Variants in FERMT2 observed in about 807,000 individuals in gnomAD.
FERMT2 encodes fermitin family homolog 2.
In FERMT2, 15 loss-of-function variants were observed where a neutral mutation model predicts 82.7. The observed-to-expected ratio is 0.18, with a 90% CI of 0.12 to 0.28. The LOEUF (loss-of-function observed/expected upper bound fraction) is 0.28. Among genes scored for constraint, FERMT2 ranks in the 10% least tolerant of loss-of-function variants. The pLI, the probability that FERMT2 is intolerant of heterozygous loss-of-function variation, is 1.00. For missense variants in FERMT2, 645 were observed against 809.4 expected (o/e 0.80, Z 2.46); for synonymous variants, 274 against 271.5 (o/e 1.01, Z -0.09).
At chr14:52,900,159 G>C (rs376742196) in intron 3 of FERMT2, among the ~76,000 whole-genome samples, 1 of 152,078 alleles carries the variant, frequency 6.6e-6, no homozygotes, top group Non-Finnish European at 1.5e-5. Context: ...AGGCTGGAAT[G>C]AAGTAGTGTT....
At chr14:52,938,636 G>A (rs190990661) in intron 2 of FERMT2, among the ~76,000 whole-genome samples, 183 of 152,044 alleles carry the variant, frequency 1.2e-3, no homozygotes, top group African/African-American at 4.1e-3. Context: ...GTGCGATCTC[G>A]GCTCAGTGCA....
intron 4 of FERMT2, among the ~76,000 whole-genome samples, chr14:52,889,527 G>C (rs1346764229): frequency 3.3e-5 from 5 of 152,156 alleles, no homozygotes; most frequent in African/African-American, 1.2e-4. Flanking sequence ...GGCAGCACAG[G>C]AACAGCCCAA....
intron 10 of FERMT2, among the ~76,000 whole-genome samples, chr14:52,866,587 A>C (rs1333819693): frequency 6.6e-6 from 1 of 152,224 alleles, no homozygotes; most frequent in Non-Finnish European, 1.5e-5. Context: ...AGATGGGAAG[A>C]AGCAAGAAAA....
chr14:52,946,349 T>G (rs1001522843), intron 2 of FERMT2, among the ~76,000 whole-genome samples: 1 of 151,542 alleles, frequency 6.6e-6, no homozygotes. Flanking sequence ...CGTTTGAAAT[T>G]TGTCTTTGAT....
intron 10 of FERMT2, among the ~76,000 whole-genome samples, chr14:52,870,154 C>T (rs1885527504): frequency 6.6e-6 from 1 of 151,850 alleles, no homozygotes; most frequent in Non-Finnish European, 1.5e-5. Context: ...ATAGTAATGT[C>T]CTAGGCCTTC....
At chr14:52,934,264 CTTACTGT>C (rs138866606) in intron 2 of FERMT2, among the ~76,000 whole-genome samples, 1,802 of 152,172 alleles carry the variant, frequency 0.012, 53 homozygotes, top group East Asian at 0.074. Context: ...ATTAAAAACT[CTTACTGT>C]TGATTATAAA....
intron 10 of FERMT2, among the ~76,000 whole-genome samples, chr14:52,865,338 A>G (rs1885207500): frequency 6.6e-6 from 1 of 152,300 alleles, no homozygotes; most frequent in East Asian, 1.9e-4. Flanking sequence ...TTCACTTTGT[A>G]GGAGGCTTTA....
At chr14:52,899,616 G>A (rs1440455197) in intron 3 of FERMT2, among the ~76,000 whole-genome samples, 1 of 152,164 alleles carries the variant, frequency 6.6e-6, no homozygotes, top group African/African-American at 2.4e-5. Flanking sequence ...TTAGGGAAGG[G>A]AGAGAATGAA....
At chr14:52,865,342 G>C (rs1310819880) in intron 10 of FERMT2, among the ~76,000 whole-genome samples, 1 of 152,130 alleles carries the variant, frequency 6.6e-6, no homozygotes, top group Non-Finnish European at 1.5e-5. Flanking sequence ...CTTTGTAGGA[G>C]GCTTTACAGA....
At chr14:52,902,635 G>A (rs1311926918) in intron 3 of FERMT2, among the ~76,000 whole-genome samples, 3 of 151,274 alleles carry the variant, frequency 2.0e-5, no homozygotes, top group Non-Finnish European at 2.9e-5. Context: ...TTGGGAGGCC[G>A]AGGCGGGTGG....
At chr14:52,923,208 G>C (rs1283932822) in intron 2 of FERMT2, among the ~76,000 whole-genome samples, 1 of 151,296 alleles carries the variant, frequency 6.6e-6, no homozygotes, top group Admixed American at 6.6e-5. Flanking sequence ...TGGGGGTTGG[G>C]GGGGGAATCC....
intron 12 of FERMT2, 172 bp from the exon 13 acceptor site, chr14:52,860,637 A>C (rs531261672): frequency 1.6e-6 from 1 of 618,652 alleles, no homozygotes; most frequent in East Asian, 2.9e-5. Flanking sequence ...GTAATGTATA[A>C]GGATTTTTCA....
At chr14:52,946,600 C>T (rs1313210218) in intron 2 of FERMT2, among the ~76,000 whole-genome samples, 1 of 152,148 alleles carries the variant, frequency 6.6e-6, no homozygotes, top group Non-Finnish European at 1.5e-5. Context: ...ATGCAAAGAG[C>T]CATGAACACA....
intron 4 of FERMT2, among the ~76,000 whole-genome samples, chr14:52,890,789 A>G (rs1219811535): frequency 6.6e-6 from 1 of 151,728 alleles, no homozygotes; most frequent in African/African-American, 2.4e-5. Flanking sequence ...TTTTAGTAGA[A>G]ATGGGGTTTC....
chr14:52,871,113 C>T (rs773293888), intron 10 of FERMT2, among the ~76,000 whole-genome samples: 14 of 152,170 alleles, frequency 9.2e-5, no homozygotes, highest in Non-Finnish European at 1.8e-4. Flanking sequence ...ACTATGGCTG[C>T]AGGTGTTAGC....
chr14:52,870,529 T>C (rs1885555221), intron 10 of FERMT2, among the ~76,000 whole-genome samples: 1 of 152,228 alleles, frequency 6.6e-6, no homozygotes, highest in Non-Finnish European at 1.5e-5. Flanking sequence ...ATTATAGGCA[T>C]GAGCCACCGC....
chr14:52,893,227 C>A (rs1233370455), intron 4 of FERMT2, 66 bp downstream of exon 4: 2 of 1,408,696 alleles, frequency 1.4e-6, no homozygotes, highest in Non-Finnish European at 1.9e-6. Flanking sequence ...TTACCCACCA[C>A]CAGAAAGACA....
chr14:52,934,533 T>C (rs1231744087), intron 2 of FERMT2, among the ~76,000 whole-genome samples: 1 of 152,232 alleles, frequency 6.6e-6, no homozygotes, highest in Non-Finnish European at 1.5e-5. Context: ...TTCAGTATCA[T>C]GAAATATCTC....
At chr14:52,934,849 AT>A (rs1889764360) in intron 2 of FERMT2, among the ~76,000 whole-genome samples, 1 of 152,184 alleles carries the variant, frequency 6.6e-6, no homozygotes, top group Non-Finnish European at 1.5e-5. Flanking sequence ...TTAAAACATC[AT>A]GAGTTTCTCA....
Sources: gnomAD v4.1 joint callset for allele counts (sites outside exome capture counted in the v4.1 genomes callset) on GRCh38, gnomAD v4.1.1 for gene constraint, MANE v1.5 for transcripts, NCBI Gene and HGNC (gene_info 2026-07-23, HGNC 2026-07-21) for gene names.